The following CTTNBP2 variants were observed in gnomAD, a reference collection of about 807,000 sequenced individuals.
The protein encoded by CTTNBP2 is cortactin binding protein 2, also known as cortactin-binding protein 2.
A neutral mutation model predicts 156.9 loss-of-function variants in CTTNBP2; 108 were observed. The observed-to-expected ratio is 0.69, with a 90% confidence interval of 0.59 to 0.81. The LOEUF (loss-of-function observed/expected upper bound fraction) is 0.81, where lower values mean the gene tolerates loss of function less well. Among genes scored for constraint, CTTNBP2 ranks in the 30% least tolerant of loss-of-function variants. The pLI, the probability that CTTNBP2 is intolerant of heterozygous loss-of-function variation, is 0.00. For missense variants in CTTNBP2, 1,924 were observed against 2,035.4 expected (o/e 0.95, Z 1.05); for synonymous variants, 767 against 751.8 (o/e 1.02, Z -0.33).
At chr7:117,757,528 TAAAAAAAAA>T (rs56687697) in intron 11 of CTTNBP2, among the ~76,000 whole-genome samples, 1 of 91,442 alleles carries the variant, frequency 1.1e-5, no homozygotes, top group Non-Finnish European at 2.2e-5. Flanking sequence ...TTAAGCACAG[TAAAAAAAAA>T]AAAAAAAAAA....
At position 117,711,265 on chromosome 7, in the gene CTTNBP2, TTAAAAC is replaced by T. The variant is rs1408335482; in HGVS notation, c.*266_*271del. ...GTTTTAATACCCCTGAACATCTTGA[TTAAAAC>T]TATTACAATTTTTCTATTATAAAAC... On this transcript the variant is annotated 3_prime_UTR_variant, in exon 23 of 23. Transcript: ENST00000160373. 2.9e-6 allele frequency: 1 copy of T among 350,102 alleles called. No individual in the cohort carries two copies. The highest frequency in any genetic ancestry group is 2.1e-5 in the African/African-American group (1 of 47,530). 21.7% of individuals were successfully genotyped at this position (350,102 alleles called of 1,614,324 possible).
rs556372208 is a variant in CTTNBP2 at position 117,743,761 on chromosome 7, C to CAAAA, written c.3535+2066_3535+2069dup. Among the ~76,000 whole-genome samples the CAAAA allele has an allele frequency of 7.0e-3, 138 of 19,652 alleles. 7 individuals are homozygous for CAAAA. Among genetic ancestry groups the CAAAA allele is most frequent in the African/African-American group, 8.8e-3 (59 of 6,740 alleles). The allele number at this position is 19,652 out of a possible 152,430, so 12.9% of individuals were successfully genotyped here. On this transcript the variant is annotated intron_variant, in intron 14 of 22. Coordinates refer to ENST00000160373, the MANE Select transcript of CTTNBP2 (RefSeq NM_033427.3). ...CTGGTGACAGAGTGAGACTCTGTCT[C>CAAAA]AAAAAAAAAAAAAAAAAAAAAAAAA...
At chr7:117,743,048 C>T (rs1401107716) in intron 14 of CTTNBP2, among the ~76,000 whole-genome samples, 4 of 152,164 alleles carry the variant, frequency 2.6e-5, no homozygotes, top group African/African-American at 4.8e-5. Context: ...TCTGAGTTTC[C>T]AGTGTGGGAG....
intron 1 of CTTNBP2, among the ~76,000 whole-genome samples, chr7:117,864,489 A>G (rs1456348317): frequency 6.6e-6 from 1 of 151,760 alleles, no homozygotes; most frequent in Non-Finnish European, 1.5e-5. Flanking sequence ...TTCTGGCAAA[A>G]CAGGGTTAAA....
At chr7:117,770,768 A>C (rs901442290) in intron 8 of CTTNBP2, among the ~76,000 whole-genome samples, 1 of 152,124 alleles carries the variant, frequency 6.6e-6, no homozygotes, top group Non-Finnish European at 1.5e-5. Flanking sequence ...GAGGGAGAGA[A>C]GTATCCACAC....
At chr7:117,760,828 ATTTC>A in intron 9 of CTTNBP2, 118 bp from the exon 10 acceptor site, 1 of 690,544 alleles carries the variant, frequency 1.4e-6, no homozygotes, top group Non-Finnish European at 2.4e-6. Flanking sequence ...AAGCTATTTT[ATTTC>A]ATTAAATAAC....
chr7:117,761,212 C>A (rs1797195925), intron 9 of CTTNBP2, among the ~76,000 whole-genome samples: 1 of 152,134 alleles, frequency 6.6e-6, no homozygotes, highest in Non-Finnish European at 1.5e-5. Flanking sequence ...TCTCTCTGTA[C>A]CCCAATTTCT....
intron 3 of CTTNBP2, among the ~76,000 whole-genome samples, chr7:117,804,562 C>T (rs1278213872): frequency 1.3e-5 from 2 of 152,196 alleles, no homozygotes; most frequent in Non-Finnish European, 2.9e-5. Flanking sequence ...AAATGTCGTA[C>T]ATATACACCA....
Position 117,719,596 on chromosome 7 carries a change from G to A in CTTNBP2, c.4552C>T (p.Gln1518Ter). 6.2e-7 allele frequency: 1 copy of A among 1,613,628 alleles called. No individual in the cohort carries two copies. The highest frequency in any genetic ancestry group is 8.5e-7 in the Non-Finnish European group (1 of 1,179,676). The change falls in exon 21 of 23, where the codon CAG (glutamine) becomes TAG (stop). Residue 1518 changes from glutamine to a stop codon, truncating the protein, a stop_gained. Transcript: ENST00000160373. LOFTEE classifies it high-confidence loss of function. ...NDLSLTLNLD[Q>*]RLSLGSDDEA... ...TCATCTGAACCCAGAGAGAGTCTCT[G>A]ATCCAAATTCAACGTCAGTGATAGA...
At chr7:117,816,376 C>A (rs529610292) in intron 2 of CTTNBP2, among the ~76,000 whole-genome samples, 1 of 152,340 alleles carries the variant, frequency 6.6e-6, no homozygotes, top group African/African-American at 2.4e-5. Context: ...CTGTACACCA[C>A]ACAGTTGTTG....
rs1795145938 is a variant in CTTNBP2 at position 117,727,318 on chromosome 7, ACTCAATAG to A, written c.4055+763_4055+770del. 4.6e-5 allele frequency among the ~76,000 whole-genome samples: 7 copies of A among 151,524 alleles called. No homozygotes were observed. The South Asian group carries it at 1.5e-3, about 32-fold the overall frequency. On this transcript the variant is annotated intron_variant, in intron 17 of 22. Transcript: ENST00000160373. ...TTGATCCTCCTGCCTCAGCCTCCCA[ACTCAATAG>A]CTGGGACTACAGGTACATGCCACTA...
chr7:117,811,767 A>G (rs1344520408), intron 2 of CTTNBP2, among the ~76,000 whole-genome samples: 1 of 151,752 alleles, frequency 6.6e-6, no homozygotes, highest in Admixed American at 6.6e-5. Flanking sequence ...AGGAAATCAC[A>G]TGGATGTCTG....
chr7:117,834,570 T>C (rs1232670664), intron 2 of CTTNBP2, among the ~76,000 whole-genome samples: 3 of 152,208 alleles, frequency 2.0e-5, no homozygotes, highest in Non-Finnish European at 4.4e-5. Context: ...TCTTTCTTCA[T>C]TCTCAAGAAC....
intron 1 of CTTNBP2, among the ~76,000 whole-genome samples, chr7:117,864,681 T>TTC (rs1804002416): frequency 1.8e-5 from 2 of 108,938 alleles, no homozygotes; most frequent in African/African-American, 6.2e-5. Context: ...CATATATTTA[T>TTC]ATATATTCAT....
In CTTNBP2 at chr7:117,711,122, C is replaced by G. The variant is rs1423074065; in HGVS notation, c.*415G>C. Reference sequence around the variant, plus strand: ...CTCCATTTAAAACGGTACAAGTTATCTAAGCCAACTTTGTACTTTTTTGCT... The same window carrying G: ...CTCCATTTAAAACGGTACAAGTTATGTAAGCCAACTTTGTACTTTTTTGCT... On this transcript the variant is annotated 3_prime_UTR_variant, in exon 23 of 23. Transcript: ENST00000160373. 1.9e-5 allele frequency: 3 copies of G among 154,020 alleles called. No individual in the cohort carries two copies. The highest frequency in any genetic ancestry group is 7.2e-5 in the African/African-American group (3 of 41,452). The allele number at this position is 154,020 out of a possible 1,614,324, so 9.5% of individuals were successfully genotyped here.
intron 2 of CTTNBP2, among the ~76,000 whole-genome samples, chr7:117,836,634 T>G (rs1159687468): frequency 6.6e-6 from 1 of 152,178 alleles, no homozygotes; most frequent in Non-Finnish European, 1.5e-5. Context: ...AATACGTCAC[T>G]CTTGTACAAA....
chr7:117,857,536 T>C (rs1222379394), intron 2 of CTTNBP2, among the ~76,000 whole-genome samples: 1 of 152,186 alleles, frequency 6.6e-6, no homozygotes, highest in African/African-American at 2.4e-5. Context: ...TCATCTGAAA[T>C]ATATGTTTAA....
At chr7:117,732,207 C>T (rs1441697976) in intron 16 of CTTNBP2, among the ~76,000 whole-genome samples, 2 of 152,048 alleles carry the variant, frequency 1.3e-5, no homozygotes, top group Non-Finnish European at 2.9e-5. Flanking sequence ...AAAATGTGCA[C>T]ATTTTAAATA....
In CTTNBP2 at chr7:117,865,045, G is replaced by C. The variant is rs954769457; in HGVS notation, c.82-3729C>G. 6.5e-4 allele frequency among the ~76,000 whole-genome samples: 98 copies of C among 149,664 alleles called. 1 individual carries two copies. Among genetic ancestry groups the C allele is most frequent in the African/African-American group, 2.3e-3 (93 of 40,976 alleles). Reference sequence around the variant, plus strand: ...TATGGTACAAAAGTACTTAGATATAGAAAAAATATTAAAGTTTCTTGGTTT... The same window carrying C: ...TATGGTACAAAAGTACTTAGATATACAAAAAATATTAAAGTTTCTTGGTTT... On this transcript the variant is annotated intron_variant, in intron 1 of 22. Transcript: ENST00000160373.
Sources: gnomAD v4.1 joint callset for allele counts (sites outside exome capture counted in the v4.1 genomes callset) on GRCh38, gnomAD v4.1.1 for gene constraint, MANE v1.5 for transcripts, NCBI Gene and HGNC (gene_info 2026-07-23, HGNC 2026-07-21) for gene names.